SAMD11: variants seen among roughly 807,000 people sequenced by gnomAD.
SAMD11 encodes sterile alpha motif domain-containing protein 11.
A neutral mutation model predicts 64.4 loss-of-function variants in SAMD11; 77 were observed. That is an observed-to-expected ratio of 1.20 (90% CI 0.99 to 1.44). The LOEUF is 1.44. SAMD11 is among the 40% of genes most tolerant of loss of function. SAMD11 has a pLI of 0.00. For synonymous variants in SAMD11, 658 were observed against 421.9 expected, an observed-to-expected ratio of 1.56 and a Z score of -6.86; for missense variants, 1,402 against 943.3, an observed-to-expected ratio of 1.49 and a Z score of -6.37.
chr1:943,172 CA>C, intron 11 of SAMD11, 80 bp from the exon 12 acceptor site: 8 of 1,600,626 alleles, frequency 5.0e-6, no homozygotes, highest in Non-Finnish European at 6.8e-6. Flanking sequence ...CCCACCTCAG[CA>C]ATTGGGGCAC....
At chr1:942,524 G>T (rs1199888309) in intron 10 of SAMD11, 35 bp from the exon 11 acceptor site, 4 of 1,428,878 alleles carry the variant, frequency 2.8e-6, no homozygotes, top group African/African-American at 1.5e-5. Context: ...CGCGCGGCCC[G>T]GGAGGCGGCT....
At chr1:932,884 G>T (rs1641234884) in intron 4 of SAMD11, among the ~76,000 whole-genome samples, 1 of 152,256 alleles carries the variant, frequency 6.6e-6, no homozygotes, top group African/African-American at 2.4e-5. Context: ...CGGGGGCTTG[G>T]CCCCTCTCTC....
rs777597777 is a variant in SAMD11, at chr1:942,496, C to T, written c.1553+8C>T. On this transcript the variant is annotated splice_region_variant and intron_variant, in intron 10 of 13. Transcript: ENST00000616016. ...GAAGCAGAACCTGGCCCGGTAGGTG[C>T]GGGGAGGCGGGCGGGGCCGCGCGGC... The T allele has an allele frequency of 6.8e-7, 1 of 1,465,296 alleles. No homozygotes were observed. The allele number at this position is 1,465,296 out of a possible 1,614,324, so 90.8% of individuals were successfully genotyped here.
In SAMD11 at chr1:942,790, C is replaced by T; in HGVS notation, c.1785C>T (p.Pro595=). ...TPSRDSARRA[P]RKGGPGPASA... ...CCCGGGACTCTGCCCGGCGAGCCCC[C>T]CGGAAGGGGGGTCCCGGCCCTGCCT... The change falls in exon 11 of 14, where the codon CCC becomes CCT. Residue 595 remains proline (P), a synonymous_variant. Coordinates refer to ENST00000616016, the MANE Select transcript of SAMD11 (RefSeq NM_001385641.1). 3 of 1,542,056 alleles carry T rather than the reference C, an allele frequency of 1.9e-6. No individual in the cohort carries two copies. The highest frequency in any genetic ancestry group is 1.2e-5 in the South Asian group (1 of 83,588).
Position 944,076 on chromosome 1 carries a change from C to A in SAMD11, c.2458C>A (p.Gln820Lys), listed in dbSNP as rs563620164. Residue 820 changes from glutamine (Q) to lysine (K), a missense_variant, in exon 14 of 14, where the codon CAA (glutamine) becomes AAA (lysine). Physicochemically the swap from Gln to Lys is moderately conservative, Grantham distance 53. Transcript: ENST00000616016. ...TGGAGGGGGCCACGCCCTTGCCGGT[C>A]AAACTTCACCCAAGCAGGAGAATGG... ...PYGGGHALAG[Q>K]TSPKQENGTL... 6.2e-7 allele frequency: 1 copy of A among 1,612,576 alleles called. No individual in the cohort carries two copies. The highest frequency in any genetic ancestry group is 1.7e-5 in the Admixed American group (1 of 59,998).
chr1:929,149 G>T (rs1641047713), intron 2 of SAMD11, among the ~76,000 whole-genome samples: 1 of 152,236 alleles, frequency 6.6e-6, no homozygotes, highest in South Asian at 2.1e-4. Flanking sequence ...GAGGAGTCCG[G>T]AAGTGCCTGG....
intron 4 of SAMD11, among the ~76,000 whole-genome samples, chr1:932,206 G>A (rs1184288015): frequency 6.6e-6 from 1 of 152,158 alleles, no homozygotes; most frequent in African/African-American, 2.4e-5. Context: ...CCTTTTACAT[G>A]GGACACTACA....
chr1:941,623 G>A (rs537035819), intron 8 of SAMD11, among the ~76,000 whole-genome samples: 4 of 152,158 alleles, frequency 2.6e-5, no homozygotes, highest in East Asian at 1.9e-4. Flanking sequence ...CGGAGGGGGG[G>A]TCCTGGCTGG....
Position 939,092 on chromosome 1 carries a change from C to G in SAMD11, c.1020C>G (p.Cys340Trp), listed in dbSNP as rs940100686. 1 of 1,605,554 alleles carries G rather than the reference C, an allele frequency of 6.2e-7. No individual in the cohort carries two copies. The highest frequency in any genetic ancestry group is 8.5e-7 in the Non-Finnish European group (1 of 1,176,340). ...LGRSPRISSD[C>W]FSEKRARSES... The stretch of plus-strand genomic sequence containing the variant: ...GCTCCCCCCGTATCAGCAGCGACTG[C>G]TTTTCAGAGAAGAGGGCACGAAGCG... Residue 340 changes from cysteine to tryptophan, a missense_variant, in exon 6 of 14, where the codon TGC (cysteine) becomes TGG (tryptophan). Cys to Trp is a radical substitution (Grantham distance 215). Transcript: ENST00000616016.
At chr1:941,988 G>A (rs1641799630) in intron 8 of SAMD11, 148 bp from the exon 9 acceptor site, 1 of 378,856 alleles carries the variant, frequency 2.6e-6, no homozygotes, top group Non-Finnish European at 4.7e-6. Flanking sequence ...CGGCGGGGGC[G>A]GGGATGGCGC....
At chr1:928,469 G>A (rs1641014222) in intron 2 of SAMD11, among the ~76,000 whole-genome samples, 1 of 152,260 alleles carries the variant, frequency 6.6e-6, no homozygotes, top group African/African-American at 2.4e-5. Context: ...GCTGCAGAAG[G>A]GCAGAGCTAA....
chr1:933,301 G>T (rs374394065), intron 4 of SAMD11, among the ~76,000 whole-genome samples: 1 of 152,202 alleles, frequency 6.6e-6, no homozygotes, highest in Non-Finnish European at 1.5e-5. Context: ...GTTTTCAGGG[G>T]CCGGGCCAGG....
rs1341113188 is a variant in SAMD11 at position 943,371 on chromosome 1, C to T, written c.2172C>T (p.Tyr724=). The T allele has an allele frequency of 6.4e-7, 1 of 1,555,578 alleles. No individual in the cohort carries two copies. The highest frequency in any genetic ancestry group is 1.4e-5 in the African/African-American group (1 of 73,006). ...FVGGLSGCGE[Y]TRVFREQGID... is the part of the protein sequence containing the mutation. Reference sequence around the variant, plus strand: ...GGGGCCTGTCTGGCTGTGGAGAGTACACTCGGGTAAGGGGGGGCCCCAGTT... The same window carrying T: ...GGGGCCTGTCTGGCTGTGGAGAGTATACTCGGGTAAGGGGGGGCCCCAGTT... The change falls in exon 12 of 14, where the codon TAC becomes TAT. Residue 724 remains tyrosine, a synonymous_variant. Coordinates refer to ENST00000616016, the MANE Select transcript of SAMD11 (RefSeq NM_001385641.1).
At chr1:930,396 C>G (rs1017171915) in intron 3 of SAMD11, 60 bp downstream of exon 3, 2 of 1,498,694 alleles carry the variant, frequency 1.3e-6, no homozygotes, top group Non-Finnish European at 1.8e-6. Flanking sequence ...GAGCTTCAGG[C>G]CTTCAGCTGC....
Position 935,775 on chromosome 1 carries a change from G to C in SAMD11, c.846G>C (p.Gln282His), listed in dbSNP as rs540057607. 1 of 1,613,352 alleles carries C rather than the reference G, an allele frequency of 6.2e-7. No homozygotes were observed. Among genetic ancestry groups the C allele is most frequent in the African/African-American group, 1.3e-5 (1 of 75,052 alleles). ...NISFREASCS[Q>H]DGNLPTLISS... is the part of the protein sequence containing the mutation. ...TTTTCCCGGTCTCGTTCTGCAGCCA[G>C]GACGGCAACCTTCCCACCCTCATAT... Residue 282 changes from glutamine (Q) to histidine (H), a missense_variant, in exon 5 of 14, where the codon CAG becomes CAC. Coordinates refer to ENST00000616016, the MANE Select transcript of SAMD11 (RefSeq NM_001385641.1).
intron 5 of SAMD11, 36 bp from the exon 6 acceptor site, chr1:939,004 T>G (rs80217823): frequency 1.3e-6 from 2 of 1,547,070 alleles, no homozygotes; most frequent in African/African-American, 2.7e-5. Context: ...CTTCCATTCC[T>G]TGAGATGCAG....
chr1:944,199 C>T lies in SAMD11; in HGVS notation c.*46C>T, dbSNP rs368963177. 464 of 1,498,576 alleles carry T rather than the reference C, an allele frequency of 3.1e-4. No individual in the cohort carries two copies. In the African/African-American group the frequency reaches 6.2e-3, roughly 20 times the overall value. 92.8% of individuals were successfully genotyped at this position (1,498,576 alleles called of 1,614,324 possible). A position where few individuals can be genotyped will look rare whatever the true frequency, so the allele number is the denominator to read the frequency against. The stretch of plus-strand genomic sequence containing the variant: ...GGGCCACACAAATCTCCAGGAGCCA[C>T]CACTCAACACAATGGCCCTGCCTCC... On this transcript the variant is annotated 3_prime_UTR_variant, in exon 14 of 14. Coordinates refer to ENST00000616016, the MANE Select transcript of SAMD11 (RefSeq NM_001385641.1).
At chr1:925,745 A>T in intron 1 of SAMD11, 177 bp from the exon 2 acceptor site, 1 of 594,020 alleles carries the variant, frequency 1.7e-6, no homozygotes, top group Non-Finnish European at 3.1e-6. Context: ...AGCCCAGCAG[A>T]TCCCTGCGGC....
chr1:935,805 C>G lies in SAMD11; in HGVS notation c.876C>G (p.Ser292Arg). The G allele has an allele frequency of 6.2e-7, 1 of 1,613,450 alleles. No individual in the cohort carries two copies. ...GCAACCTTCCCACCCTCATATCCAGCGTCCACCGCAGCCGCCACCTCGTTA... is the reference window on the plus strand; with the variant it reads ...GCAACCTTCCCACCCTCATATCCAGGGTCCACCGCAGCCGCCACCTCGTTA... ...QDGNLPTLIS[S>R]VHRSRHLVMP... Residue 292 changes from serine to arginine, a missense_variant, in exon 5 of 14, where the codon AGC becomes AGG. Transcript: ENST00000616016.
Sources: allele counts gnomAD v4.1 joint callset (sites outside exome capture counted in the v4.1 genomes callset), GRCh38; gene constraint gnomAD v4.1.1; transcripts MANE v1.5; gene names NCBI Gene and HGNC (gene_info 2026-07-23, HGNC 2026-07-21).